RHOBTB2: variants seen among roughly 807,000 people sequenced by gnomAD.
RHOBTB2 encodes the protein rho-related BTB domain-containing protein 2.
A neutral mutation model predicts 66.5 loss-of-function variants in RHOBTB2; 39 were observed. The observed-to-expected ratio is 0.59, with a 90% CI of 0.45 to 0.77. The LOEUF (loss-of-function observed/expected upper bound fraction) is 0.77. RHOBTB2 is among the 30% of genes least tolerant of loss of function. RHOBTB2 has a pLI of 0.00. For synonymous variants in RHOBTB2, 390 were observed against 395.0 expected (o/e 0.99, Z 0.15); for missense variants, 755 against 999.1 (o/e 0.76, Z 3.29).
At chr8:22,987,790 T>A (rs183850543) in intron 1 of RHOBTB2, among the ~76,000 whole-genome samples, 1 of 152,298 alleles carries the variant, frequency 6.6e-6, no homozygotes, top group African/African-American at 2.4e-5. Flanking sequence ...GCCCCTGGAC[T>A]GTGGCCCAGC....
At chr8:22,995,184 C>T (rs756414142), upstream of RHOBTB2, among the ~76,000 whole-genome samples, 27 of 152,152 alleles carry the variant, frequency 1.8e-4, no homozygotes, top group Non-Finnish European at 3.2e-4. Context: ...TCTCTCAGCT[C>T]GGCCTCCCAA....
At chr8:22,966,031 G>C in the RHOBTB2 span, among the ~76,000 whole-genome samples, 1 of 152,068 alleles carries the variant, frequency 6.6e-6, no homozygotes. Context: ...CCTAATAATG[G>C]ATTAATACTC....
chr8:22,980,999 C>A, the RHOBTB2 span, among the ~76,000 whole-genome samples: 37 of 152,320 alleles, frequency 2.4e-4, no homozygotes, highest in African/African-American at 7.7e-4. Flanking sequence ...TTTCTTCTTC[C>A]AAGTATGATA....
At chr8:22,959,638 T>C in the RHOBTB2 span, among the ~76,000 whole-genome samples, 2 of 152,140 alleles carry the variant, frequency 1.3e-5, no homozygotes, top group African/African-American at 4.8e-5. Flanking sequence ...TGGTATCTGC[T>C]TCCTGTTATC....
upstream of RHOBTB2, chr8:22,996,025 G>T: frequency 3.8e-6 from 3 of 786,744 alleles, no homozygotes; most frequent in Non-Finnish European, 6.6e-6. Flanking sequence ...GAGCAACGCT[G>T]GTGGGACTGG....
rs1188478541 is a variant in RHOBTB2 at position 23,013,073 on chromosome 8, A to G, written c.1772-1617A>G. 1.3e-5 allele frequency among the ~76,000 whole-genome samples: 2 copies of G among 151,954 alleles called. 1 individual carries two copies. The highest frequency in any genetic ancestry group is 4.9e-5 in the African/African-American group (2 of 41,224). On this transcript the variant is annotated intron_variant, in intron 7 of 9. Coordinates refer to ENST00000251822, the MANE Select transcript of RHOBTB2 (RefSeq NM_015178.3). ...CTTGGCCTCCCAAAGTGCTGGGATTACAGGCGTGAGCCACCACACCCGGCC... is the reference window on the plus strand; with the variant it reads ...CTTGGCCTCCCAAAGTGCTGGGATTGCAGGCGTGAGCCACCACACCCGGCC...
At chr8:23,016,949 C>T (rs878999903) in intron 9 of RHOBTB2, among the ~76,000 whole-genome samples, 1 of 152,216 alleles carries the variant, frequency 6.6e-6, no homozygotes, top group African/African-American at 2.4e-5. Context: ...GGCTGACATT[C>T]GCTTACCCCT....
At chr8:22,982,446 A>C (rs369200081), upstream of RHOBTB2, among the ~76,000 whole-genome samples, 89 of 152,222 alleles carry the variant, frequency 5.8e-4, 3 homozygotes, top group East Asian at 0.011. Context: ...ACATGGAGAA[A>C]CCCTGTCTCT....
At chr8:22,982,155 G>T in the RHOBTB2 span, among the ~76,000 whole-genome samples, 2 of 152,204 alleles carry the variant, frequency 1.3e-5, no homozygotes, top group African/African-American at 4.8e-5. Flanking sequence ...AGACTCAGAG[G>T]CCACTGGTTC....
At chr8:22,988,301 AG>A (rs1338742348) in intron 1 of RHOBTB2, among the ~76,000 whole-genome samples, 1 of 151,894 alleles carries the variant, frequency 6.6e-6, no homozygotes. Context: ...CTGGGATTAC[AG>A]GGGCCTGCCA....
At position 23,006,710 on chromosome 8, in the gene RHOBTB2, C is replaced by T. The variant is rs749327128; in HGVS notation, c.483-18C>T. On this transcript the variant is annotated intron_variant, in intron 4 of 9. Transcript: ENST00000251822. The surrounding 1 kb of genome is among the most constrained non-coding windows in gnomAD (Gnocchi z 6.1). ...TCCACCACCAACACAAGCTTGGTTT[C>T]CTTCTTGAACCTACCAGGCCCATCA... 10 of 1,588,610 alleles carry T rather than the reference C, an allele frequency of 6.3e-6. No homozygotes were observed. In the East Asian group the frequency reaches 2.2e-4, roughly 36 times the overall value.
At chr8:22,962,047 A>G in the RHOBTB2 span, among the ~76,000 whole-genome samples, 1 of 151,916 alleles carries the variant, frequency 6.6e-6, no homozygotes, top group Non-Finnish European at 1.5e-5. Context: ...TGTACTCCCA[A>G]CTACTCAGGA....
At chr8:22,988,202 C>T (rs1405354841) in intron 1 of RHOBTB2, among the ~76,000 whole-genome samples, 1 of 142,772 alleles carries the variant, frequency 7.0e-6, no homozygotes, top group Non-Finnish European at 1.5e-5. Context: ...CTCTGTCACC[C>T]AGGTTGGAGT....
At chr8:22,956,395 C>T in the RHOBTB2 span, among the ~76,000 whole-genome samples, 2 of 152,034 alleles carry the variant, frequency 1.3e-5, no homozygotes, top group African/African-American at 2.4e-5. Flanking sequence ...GGTTTAGCAC[C>T]ATCACCTCAG....
At chr8:22,979,557 A>G in the RHOBTB2 span, among the ~76,000 whole-genome samples, 45 of 151,974 alleles carry the variant, frequency 3.0e-4, no homozygotes, top group Non-Finnish European at 5.9e-4. Flanking sequence ...CTCTTGGAGG[A>G]CAGTTTATTT....
At position 23,007,565 on chromosome 8, in the gene RHOBTB2, G is replaced by C. The variant is rs2128804959; in HGVS notation, c.1320G>C (p.Glu440Asp). The change falls in exon 5 of 10, where the codon GAG becomes GAC. Residue 440 changes from glutamate (E) to aspartate (D), a missense_variant. By Grantham distance (45) the Glu-to-Asp change is conservative. Around this residue, in one of 7 missense-constraint regions of RHOBTB2, gnomAD observed 353 missense variants for 458.2 expected, o/e 0.77. Coordinates refer to ENST00000251822, the MANE Select transcript of RHOBTB2 (RefSeq NM_015178.3). Reference sequence around the variant, plus strand: ...ACCTGTACACGGGGGAGCTAGATGAGAACGAGCGTGACCTCATGCACATTG... The same window carrying C: ...ACCTGTACACGGGGGAGCTAGATGACAACGAGCGTGACCTCATGCACATTG... ...LKYLYTGELD[E>D]NERDLMHIAH... 6.2e-7 allele frequency: 1 copy of C among 1,614,220 alleles called. No homozygotes were observed. Among genetic ancestry groups the C allele is most frequent in the Non-Finnish European group, 8.5e-7 (1 of 1,180,046 alleles).
rs1188465044 is a variant in RHOBTB2 at position 23,017,219 on chromosome 8, C to A, written c.1967-33C>A. ...CACGTTCCTCTTGTCCCTCTGCCTC[C>A]TTTCTAACCAAGCTGCCTGCTCTCT... On this transcript the variant is annotated intron_variant, in intron 9 of 9. Transcript: ENST00000251822. The surrounding 1 kb of genome is among the most constrained non-coding windows in gnomAD (Gnocchi z 5.3). The A allele has an allele frequency of 1.2e-6, 2 of 1,612,010 alleles. No individual in the cohort carries two copies. The highest frequency in any genetic ancestry group is 2.7e-5 in the African/African-American group (2 of 75,018).
At chr8:22,986,459 G>A (rs1810291094), upstream of RHOBTB2, among the ~76,000 whole-genome samples, 1 of 151,558 alleles carries the variant, frequency 6.6e-6, no homozygotes, top group African/African-American at 2.4e-5. Flanking sequence ...GGGTTTTGCT[G>A]TGTTGCCCAG....
chr8:22,954,565 C>A, the RHOBTB2 span, among the ~76,000 whole-genome samples: 1 of 152,134 alleles, frequency 6.6e-6, no homozygotes, highest in African/African-American at 2.4e-5. Context: ...GGGAAAAGGA[C>A]ACACTATCCA....
Sources: gnomAD v4.1 joint callset for allele counts (sites outside exome capture counted in the v4.1 genomes callset) on GRCh38, gnomAD v4.1.1 for gene constraint, gnomAD v4.1.1 regional missense constraint, Gnocchi (gnomAD v3.1) non-coding constraint, MANE v1.5 for transcripts, NCBI Gene and HGNC (gene_info 2026-07-23, HGNC 2026-07-21) for gene names.